Variants in CUL3 observed in about 807,000 individuals in gnomAD.
The protein encoded by CUL3 is cullin 3, also known as cullin-3.
A neutral mutation model predicts 89.1 loss-of-function variants in CUL3; 19 were observed. That is an observed-to-expected ratio of 0.21 (90% CI 0.15 to 0.31). CUL3 has a LOEUF of 0.31. CUL3 is among the 10% of genes least tolerant of loss of function. The pLI, the probability that CUL3 is intolerant of heterozygous loss-of-function variation, is 1.00. For synonymous variants in CUL3, 351 were observed against 308.4 expected (o/e 1.14, Z -1.45); for missense variants, 469 against 942.3 (o/e 0.50, Z 6.58).
intron 11 of CUL3, 50 bp from the exon 12 acceptor site, chr2:224,497,899 T>C (rs753875968): frequency 1.5e-6 from 2 of 1,370,168 alleles, no homozygotes; most frequent in African/African-American, 2.9e-5. Flanking sequence ...CTTACACATT[T>C]GAAATTACAA....
At chr2:224,491,905 CA>C (rs1691997232) in intron 13 of CUL3, among the ~76,000 whole-genome samples, 1 of 152,140 alleles carries the variant, frequency 6.6e-6, no homozygotes, top group Non-Finnish European at 1.5e-5. Context: ...ACGATCTTTT[CA>C]AAAAGTTTTC....
intron 1 of CUL3, among the ~76,000 whole-genome samples, chr2:224,580,777 A>G (rs1014464940): frequency 6.6e-6 from 1 of 152,188 alleles, no homozygotes; most frequent in African/African-American, 2.4e-5. Context: ...AATATCCAGT[A>G]AGTTCAATTA....
At chr2:224,517,222 AAC>A (rs1166562773) in intron 3 of CUL3, among the ~76,000 whole-genome samples, 1 of 152,224 alleles carries the variant, frequency 6.6e-6, no homozygotes. Flanking sequence ...TGTGATCAAA[AAC>A]ACTATCTGAA....
chr2:224,558,802 G>C (rs1694806409), intron 1 of CUL3, among the ~76,000 whole-genome samples: 1 of 152,074 alleles, frequency 6.6e-6, no homozygotes, highest in Non-Finnish European at 1.5e-5. Context: ...CAGCACTATG[G>C]GAGGCCGAGG....
At chr2:224,507,814 T>TG (rs1265211282) in intron 6 of CUL3, among the ~76,000 whole-genome samples, 1 of 152,190 alleles carries the variant, frequency 6.6e-6, no homozygotes, top group Non-Finnish European at 1.5e-5. Context: ...AACAACTTAC[T>TG]GGGAGAACAC....
chr2:224,487,407 A>C (rs1344531264), intron 13 of CUL3, among the ~76,000 whole-genome samples: 1 of 149,952 alleles, frequency 6.7e-6, no homozygotes, highest in Non-Finnish European at 1.5e-5. Context: ...GCTCAAAATA[A>C]AGGGATGGAG....
intron 12 of CUL3, among the ~76,000 whole-genome samples, chr2:224,497,262 T>A (rs1692202817): frequency 6.6e-6 from 1 of 152,128 alleles, no homozygotes; most frequent in Non-Finnish European, 1.5e-5. Flanking sequence ...GATATAAAAA[T>A]GCGATTGCTT....
At chr2:224,526,413 C>A (rs371378097) in intron 3 of CUL3, among the ~76,000 whole-genome samples, 1 of 151,676 alleles carries the variant, frequency 6.6e-6, no homozygotes, top group Non-Finnish European at 1.5e-5. Flanking sequence ...TGGTGAATCC[C>A]GTCTTTAAGA....
At chr2:224,497,347 A>C (rs1244045874) in intron 12 of CUL3, among the ~76,000 whole-genome samples, 1 of 152,148 alleles carries the variant, frequency 6.6e-6, no homozygotes, top group Non-Finnish European at 1.5e-5. Context: ...ATATCTAACA[A>C]ATCACAAATG....
intron 1 of CUL3, among the ~76,000 whole-genome samples, chr2:224,580,019 G>A (rs1695396749): frequency 6.6e-6 from 1 of 152,280 alleles, no homozygotes; most frequent in African/African-American, 2.4e-5. Context: ...CTACATAGTG[G>A]AACAAAGCCC....
Position 224,474,078 on chromosome 2 carries a change from T to C in CUL3, c.*167A>G. ...TTGTAAAGCCTGAAGCTCAATCAAC[T>C]GATGTTGGAAACTCTCAAAGGGAGT... On this transcript the variant is annotated 3_prime_UTR_variant, in exon 16 of 16. Coordinates refer to ENST00000264414, the MANE Select transcript of CUL3 (RefSeq NM_003590.5). The C allele has an allele frequency of 1.8e-6, 1 of 564,928 alleles. No homozygotes were observed. The highest frequency in any genetic ancestry group is 2.9e-6 in the Non-Finnish European group (1 of 341,806). 35.0% of individuals were successfully genotyped at this position (564,928 alleles called of 1,614,324 possible).
intron 15 of CUL3, among the ~76,000 whole-genome samples, 186 bp downstream of exon 15, chr2:224,478,014 G>A (rs767036962): frequency 5.3e-5 from 8 of 152,160 alleles, no homozygotes; most frequent in Non-Finnish European, 7.4e-5. Flanking sequence ...CATTGGTTCC[G>A]AGAGTGTGCA....
chr2:224,506,356 C>T lies in CUL3; in HGVS notation c.1030-224G>A, dbSNP rs142995206. On this transcript the variant is annotated intron_variant, in intron 7 of 15. Coordinates refer to ENST00000264414, the MANE Select transcript of CUL3 (RefSeq NM_003590.5). ...CATATATGTATTAATACAATGCAAA[C>T]GAACCAAAGAACCTCCTCACTGTTT... is the stretch of plus-strand genomic sequence containing the variant. Among the ~76,000 whole-genome samples the T allele has an allele frequency of 6.1e-3, 929 of 152,038 alleles. 2 individuals carry two copies. The highest frequency in any genetic ancestry group is 9.2e-3 in the Non-Finnish European group (628 of 67,978).
intron 6 of CUL3, among the ~76,000 whole-genome samples, chr2:224,510,638 C>CAA (rs1244667884): frequency 1.3e-5 from 2 of 152,094 alleles, no homozygotes; most frequent in Non-Finnish European, 2.9e-5. Context: ...GTGGTAAAGG[C>CAA]AAAGTTTTAA....
At chr2:224,500,512 C>T (rs201357819) in intron 10 of CUL3, 25 bp from the exon 11 acceptor site, 30 of 1,610,028 alleles carry the variant, frequency 1.9e-5, no homozygotes, top group Non-Finnish European at 2.5e-5. Flanking sequence ...AAGAGATATT[C>T]CCCTCAAAAT....
chr2:224,501,809 T>C (rs568853850), intron 10 of CUL3, among the ~76,000 whole-genome samples: 1 of 152,318 alleles, frequency 6.6e-6, no homozygotes, highest in Admixed American at 6.5e-5. Flanking sequence ...CATATCAATA[T>C]GCATGGGATC....
intron 1 of CUL3, among the ~76,000 whole-genome samples, chr2:224,580,377 A>C (rs1020115126): frequency 1.3e-5 from 2 of 152,224 alleles, no homozygotes; most frequent in African/African-American, 4.8e-5. Flanking sequence ...ACAATGATGA[A>C]GGTATACTTA....
At chr2:224,521,434 T>C (rs960508402) in intron 3 of CUL3, among the ~76,000 whole-genome samples, 2 of 139,190 alleles carry the variant, frequency 1.4e-5, no homozygotes, top group African/African-American at 2.7e-5. Flanking sequence ...TTCATACTTC[T>C]TTTTTTTTTT....
chr2:224,520,045 A>G (rs1257691251), intron 3 of CUL3, among the ~76,000 whole-genome samples: 2 of 152,210 alleles, frequency 1.3e-5, no homozygotes, highest in Non-Finnish European at 2.9e-5. Flanking sequence ...TATCTACTAA[A>G]GAGACCTTAG....
Sources: allele counts gnomAD v4.1 joint callset (sites outside exome capture counted in the v4.1 genomes callset), GRCh38; gene constraint gnomAD v4.1.1; transcripts MANE v1.5; gene names NCBI Gene and HGNC (gene_info 2026-07-23, HGNC 2026-07-21).